Variants in VMP1 observed in about 807,000 individuals in gnomAD.
VMP1 encodes the protein ectopic P-granules autophagy protein 3 homolog.
VMP1 carries 11 observed loss-of-function variants against 56.0 expected under a neutral mutation model. The observed-to-expected ratio is 0.20, with a 90% confidence interval of 0.12 to 0.32. The LOEUF is 0.32. VMP1 is among the 10% of genes least tolerant of loss of function. The pLI is 1.00. For synonymous variants in VMP1, 149 were observed against 165.0 expected (o/e 0.90, Z 0.74); for missense variants, 296 against 490.3 (o/e 0.60, Z 3.74).
At chr17:59,717,714 A>G (rs2034221306) in intron 1 of VMP1, among the ~76,000 whole-genome samples, 1 of 152,170 alleles carries the variant, frequency 6.6e-6, no homozygotes, top group African/African-American at 2.4e-5. Flanking sequence ...GAGGTAAGGC[A>G]TTTGATAACA....
At position 59,719,475 on chromosome 17, in the gene VMP1, T is replaced by C. The variant is rs1009308545; in HGVS notation, c.-27+11727T>C. On this transcript the variant is annotated intron_variant, in intron 1 of 11. Coordinates refer to ENST00000262291, the MANE Select transcript of VMP1 (RefSeq NM_030938.5). ...TTTTTTTTTGAGAAAGTAAAATTCA[T>C]CTGGATAGATGATTTTTTTTTTTAA... Among the ~76,000 whole-genome samples the C allele has an allele frequency of 3.3e-5, 5 of 152,174 alleles. No homozygotes were observed. In the South Asian group the frequency reaches 8.3e-4, roughly 25 times the overall value.
At chr17:59,724,533 G>A (rs1324054234) in intron 1 of VMP1, among the ~76,000 whole-genome samples, 2 of 152,038 alleles carry the variant, frequency 1.3e-5, no homozygotes, top group Non-Finnish European at 2.9e-5. Context: ...TTAGCCTGTC[G>A]TGGTGGTGCA....
chr17:59,753,009 A>G (rs1294439981), intron 5 of VMP1, among the ~76,000 whole-genome samples: 1 of 152,156 alleles, frequency 6.6e-6, no homozygotes, highest in Non-Finnish European at 1.5e-5. Flanking sequence ...AGTGGCTCGC[A>G]CCTGTATTCC....
chr17:59,736,586 A>G (rs2035025374), intron 3 of VMP1, among the ~76,000 whole-genome samples: 1 of 151,448 alleles, frequency 6.6e-6, no homozygotes, highest in South Asian at 2.1e-4. Context: ...TCTACTAAAA[A>G]TACAAAAATT....
At chr17:59,733,423 C>T (rs543292363) in intron 2 of VMP1, among the ~76,000 whole-genome samples, 1 of 151,932 alleles carries the variant, frequency 6.6e-6, no homozygotes, top group Non-Finnish European at 1.5e-5. Flanking sequence ...TTGTGCTGGG[C>T]GTGGTGGCTC....
intron 5 of VMP1, 36 bp from the exon 6 acceptor site, chr17:59,764,935 A>T: frequency 7.0e-7 from 1 of 1,436,126 alleles, no homozygotes; most frequent in South Asian, 1.7e-5. Context: ...ATTTTTTAAT[A>T]GTTCTTATCA....
At chr17:59,730,252 G>C (rs1158944406) in intron 1 of VMP1, among the ~76,000 whole-genome samples, 1 of 151,860 alleles carries the variant, frequency 6.6e-6, no homozygotes, top group South Asian at 2.1e-4. Flanking sequence ...TTTCTCCTGT[G>C]GGTTGTATTT....
intron 6 of VMP1, among the ~76,000 whole-genome samples, chr17:59,768,615 A>AG: frequency 6.6e-6 from 1 of 152,006 alleles, no homozygotes. Flanking sequence ...AGAAAAAAAA[A>AG]CAAGGGGGAT....
chr17:59,833,247 C>A (rs2038875289), intron 10 of VMP1, among the ~76,000 whole-genome samples: 1 of 152,084 alleles, frequency 6.6e-6, no homozygotes, highest in South Asian at 2.1e-4. Flanking sequence ...AGAGTGAGAG[C>A]TGTAATTTCT....
chr17:59,738,788 C>A, intron 4 of VMP1, 49 bp from the exon 5 acceptor site: 1 of 1,267,128 alleles, frequency 7.9e-7, no homozygotes, highest in Non-Finnish European at 1.1e-6. Context: ...ATAAATACCG[C>A]ATTTCTGTAT....
chr17:59,795,023 G>C (rs996015880), intron 7 of VMP1, among the ~76,000 whole-genome samples: 3 of 139,958 alleles, frequency 2.1e-5, no homozygotes, highest in Non-Finnish European at 4.6e-5. Context: ...TTGAGACGGA[G>C]TTTCGCCCTT....
intron 5 of VMP1, among the ~76,000 whole-genome samples, chr17:59,749,121 T>G (rs1446452304): frequency 2.6e-5 from 4 of 151,236 alleles, no homozygotes; most frequent in African/African-American, 9.7e-5. Flanking sequence ...GGCTATTTTT[T>G]TTTTTTTTTG....
At chr17:59,734,908 T>TA (rs1485195483) in intron 2 of VMP1, among the ~76,000 whole-genome samples, 2 of 142,272 alleles carry the variant, frequency 1.4e-5, no homozygotes, top group African/African-American at 2.6e-5. Flanking sequence ...TTGCCTTTTT[T>TA]TTTTTTTTTT....
chr17:59,767,299 A>G (rs2144000945), intron 6 of VMP1, among the ~76,000 whole-genome samples: 1 of 152,324 alleles, frequency 6.6e-6, no homozygotes, highest in African/African-American at 2.4e-5. Context: ...GTTAAGTGTT[A>G]GCAATTGTGT....
chr17:59,743,265 A>G (rs984887331), intron 5 of VMP1, among the ~76,000 whole-genome samples: 1 of 151,872 alleles, frequency 6.6e-6, no homozygotes, highest in African/African-American at 2.4e-5. Flanking sequence ...CCACTTCCCC[A>G]CCTGCCCCCA....
intron 10 of VMP1, among the ~76,000 whole-genome samples, chr17:59,822,641 A>G (rs1489008575): frequency 6.6e-6 from 1 of 152,140 alleles, no homozygotes; most frequent in Non-Finnish European, 1.5e-5. Flanking sequence ...GCTTTTAAAT[A>G]CAAGTGTTCA....
chr17:59,822,291 A>G (rs1268132897), intron 10 of VMP1, among the ~76,000 whole-genome samples: 1 of 149,356 alleles, frequency 6.7e-6, no homozygotes, highest in Non-Finnish European at 1.5e-5. Flanking sequence ...TGAGCATGAC[A>G]TGATTGGTTT....
chr17:59,830,137 G>T (rs892395508), intron 10 of VMP1, among the ~76,000 whole-genome samples: 1 of 152,156 alleles, frequency 6.6e-6, no homozygotes, highest in East Asian at 1.9e-4. Context: ...GCGGGGACAG[G>T]GGCTAGCTCT....
chr17:59,742,719 C>T (rs1258401543), intron 5 of VMP1, among the ~76,000 whole-genome samples: 1 of 151,956 alleles, frequency 6.6e-6, no homozygotes, highest in Non-Finnish European at 1.5e-5. Context: ...AGTGGGCTGG[C>T]AAGCAAGTGA....
Sources: allele counts gnomAD v4.1 joint callset (sites outside exome capture counted in the v4.1 genomes callset), GRCh38; gene constraint gnomAD v4.1.1; transcripts MANE v1.5; gene names NCBI Gene and HGNC (gene_info 2026-07-23, HGNC 2026-07-21).